OR2L13: variants seen among roughly 807,000 people sequenced by gnomAD.
OR2L13 encodes the protein olfactory receptor 2L13.
OR2L13 carries 14 observed loss-of-function variants against 15.3 expected under a neutral mutation model. The ratio of observed to expected loss-of-function variants is 0.91; its 90% confidence interval spans 0.60 to 1.43. OR2L13 has a LOEUF of 1.43. OR2L13 is among the 40% of genes most tolerant of loss of function. The probability of loss-of-function intolerance (pLI) is 0.00; values close to 1 mark genes in which losing one functional copy is unlikely to be tolerated. For missense variants in OR2L13, 367 were observed against 387.9 expected, an observed-to-expected ratio of 0.95 and a Z score of 0.45; for synonymous variants, 152 against 142.9, an observed-to-expected ratio of 1.06 and a Z score of -0.45.
chr1:248,038,762 C>T, the OR2L13 span: 4 of 1,614,112 alleles, frequency 2.5e-6, no homozygotes, highest in Non-Finnish European at 3.4e-6. Flanking sequence ...CACTCTGTAT[C>T]CCATATTGCA....
chr1:248,079,164 T>C, the OR2L13 span, among the ~76,000 whole-genome samples: 1 of 152,172 alleles, frequency 6.6e-6, no homozygotes, highest in Non-Finnish European at 1.5e-5. Context: ...GAGTTAATAG[T>C]ATTCTACCAA....
chr1:247,938,544 A>G, the OR2L13 span, among the ~76,000 whole-genome samples: 4 of 152,226 alleles, frequency 2.6e-5, no homozygotes, highest in South Asian at 6.2e-4. Context: ...TACAAAAATA[A>G]TCTGTGATAG....
At chr1:248,038,880 T>A in the OR2L13 span, 1 of 1,614,182 alleles carries the variant, frequency 6.2e-7, no homozygotes, top group Non-Finnish European at 8.5e-7. Context: ...CAGCACCATC[T>A]TTCTTGTGCT....
chr1:247,937,277 G>T, the OR2L13 span: 1 of 153,592 alleles, frequency 6.5e-6, no homozygotes, highest in South Asian at 1.8e-4. Flanking sequence ...CCTCTCCCGC[G>T]ACCGCCGACC....
upstream of OR2L13, among the ~76,000 whole-genome samples, chr1:248,095,607 C>CTGTTTTTTTTTTTTTTTTTTTTTTTTT (rs1553285515): frequency 2.7e-5 from 1 of 37,308 alleles, no homozygotes; most frequent in Non-Finnish European, 5.4e-5. Context: ...AAAGCTGCTG[C>CTGTTTTTTTTTTTTTTTTTTTTTTTTT]TTTTTTTTTT....
At chr1:248,047,207 G>T in the OR2L13 span, among the ~76,000 whole-genome samples, 5 of 152,078 alleles carry the variant, frequency 3.3e-5, no homozygotes, top group Non-Finnish European at 7.4e-5. Context: ...ATGATTGTAG[G>T]GGGCAGCATT....
chr1:248,095,753 C>A (rs1664723543), upstream of OR2L13, among the ~76,000 whole-genome samples: 1 of 150,772 alleles, frequency 6.6e-6, no homozygotes, highest in Non-Finnish European at 1.5e-5. Flanking sequence ...ATCACAGGCG[C>A]ATGCCACCAC....
At chr1:248,069,930 C>T in the OR2L13 span, among the ~76,000 whole-genome samples, 2 of 151,998 alleles carry the variant, frequency 1.3e-5, no homozygotes, top group African/African-American at 2.4e-5. Flanking sequence ...GCTAACTATC[C>T]TAAATATATA....
chr1:248,020,850 A>G, the OR2L13 span, among the ~76,000 whole-genome samples: 1 of 151,540 alleles, frequency 6.6e-6, no homozygotes, highest in South Asian at 2.1e-4. Flanking sequence ...CATGTGCACA[A>G]CATGCTTTGC....
the OR2L13 span, among the ~76,000 whole-genome samples, chr1:247,960,282 C>T: frequency 2.0e-5 from 3 of 152,172 alleles, no homozygotes; most frequent in Non-Finnish European, 4.4e-5. Flanking sequence ...AGTGTTGCCG[C>T]CTGATCGTTC....
chr1:248,085,360 C>G, the OR2L13 span, among the ~76,000 whole-genome samples: 2 of 117,402 alleles, frequency 1.7e-5, no homozygotes, highest in African/African-American at 5.7e-5. Context: ...ATGTAACAAA[C>G]CTGCACGTTT....
chr1:248,044,809 CAAAAAAAAAAAAA>C, the OR2L13 span, among the ~76,000 whole-genome samples: 2 of 8,128 alleles, frequency 2.5e-4, no homozygotes, highest in Admixed American at 1.6e-3. Context: ...AACTCCGTCT[CAAAAAAAAAAAAA>C]AAAAAAAAAA....
chr1:247,954,830 CATT>C, the OR2L13 span, among the ~76,000 whole-genome samples: 1 of 152,020 alleles, frequency 6.6e-6, no homozygotes, highest in Admixed American at 6.6e-5. Flanking sequence ...AAAAGATCAT[CATT>C]ATGTATACAT....
the OR2L13 span, among the ~76,000 whole-genome samples, chr1:247,971,262 A>G: frequency 1.3e-5 from 2 of 152,218 alleles, no homozygotes; most frequent in African/African-American, 2.4e-5. Context: ...AATAAGGAGC[A>G]GAAGAACGTA....
At chr1:248,005,727 A>G in the OR2L13 span, among the ~76,000 whole-genome samples, 1 of 152,242 alleles carries the variant, frequency 6.6e-6, no homozygotes, top group African/African-American at 2.4e-5. Context: ...GTTTTGTACA[A>G]ATCATTCTAG....
At chr1:247,999,233 G>A in the OR2L13 span, among the ~76,000 whole-genome samples, 17 of 152,112 alleles carry the variant, frequency 1.1e-4, no homozygotes, top group Admixed American at 1.0e-3. Flanking sequence ...TGGAGCCTCT[G>A]TCCCTTGAAC....
the OR2L13 span, among the ~76,000 whole-genome samples, chr1:247,989,473 T>TGC: frequency 6.6e-6 from 1 of 152,166 alleles, no homozygotes; most frequent in South Asian, 2.1e-4. Context: ...ACATCTGAGT[T>TGC]TGTGTTGGGC....
the OR2L13 span, among the ~76,000 whole-genome samples, chr1:248,058,032 C>T: frequency 2.6e-5 from 4 of 152,118 alleles, no homozygotes; most frequent in South Asian, 2.1e-4. Flanking sequence ...AGTGGACTTC[C>T]GTGTCTTGTT....
the OR2L13 span, chr1:248,084,614 T>C: frequency 2.9e-5 from 45 of 1,576,478 alleles, no homozygotes; most frequent in Non-Finnish European, 3.5e-5. Flanking sequence ...CCTGGTGTGA[T>C]GGTGCAAATG....
Sources: gnomAD v4.1 joint callset for allele counts (sites outside exome capture counted in the v4.1 genomes callset) on GRCh38, gnomAD v4.1.1 for gene constraint, MANE v1.5 for transcripts, NCBI Gene and HGNC (gene_info 2026-07-23, HGNC 2026-07-21) for gene names.